Variants in FAM13B observed in about 807,000 individuals in gnomAD.
FAM13B encodes family with sequence similarity 13 member B, also known as protein FAM13B.
FAM13B carries 60 observed loss-of-function variants against 117.3 expected under a neutral mutation model. That is an observed-to-expected ratio of 0.51 (90% CI 0.42 to 0.63). The LOEUF is 0.63. FAM13B is among the 30% of genes least tolerant of loss of function. The pLI is 0.00. For synonymous variants in FAM13B, 332 were observed against 356.1 expected (o/e 0.93, Z 0.76); for missense variants, 972 against 1,091.9 (o/e 0.89, Z 1.55).
intron 20 of FAM13B, 39 bp downstream of exon 20, chr5:137,945,863 G>T: frequency 6.8e-7 from 1 of 1,473,384 alleles, no homozygotes; most frequent in Non-Finnish European, 9.4e-7. Flanking sequence ...AGTACATCTT[G>T]ATAAAATGAA....
intron 6 of FAM13B, among the ~76,000 whole-genome samples, chr5:138,010,702 T>C (rs1482433529): frequency 6.6e-6 from 1 of 152,048 alleles, no homozygotes; most frequent in Non-Finnish European, 1.5e-5. Context: ...GCTAGCAGTT[T>C]CTCTGCAAAA....
intron 6 of FAM13B, among the ~76,000 whole-genome samples, chr5:138,007,937 A>C (rs1431607350): frequency 6.6e-6 from 1 of 152,260 alleles, no homozygotes; most frequent in Non-Finnish European, 1.5e-5. Flanking sequence ...CAATGCAAGT[A>C]TGCTTTTTCT....
At chr5:137,993,083 A>G (rs931258150) in intron 7 of FAM13B, among the ~76,000 whole-genome samples, 1 of 152,248 alleles carries the variant, frequency 6.6e-6, no homozygotes, top group Non-Finnish European at 1.5e-5. Flanking sequence ...CGTTCAGTGA[A>G]AGAAACCAGA....
At chr5:137,946,131 T>C in intron 19 of FAM13B, 97 bp downstream of exon 19, 14 of 1,278,010 alleles carry the variant, frequency 1.1e-5, no homozygotes, top group Non-Finnish European at 1.6e-5. Context: ...TAGGAAATAA[T>C]GCTCAAAAAA....
At chr5:137,966,629 T>C (rs917155548) in intron 10 of FAM13B, among the ~76,000 whole-genome samples, 5 of 151,108 alleles carry the variant, frequency 3.3e-5, no homozygotes, top group Non-Finnish European at 4.4e-5. Context: ...GATATACACA[T>C]AGCATATGAA....
At chr5:138,040,582 CAA>C (rs1439867683) in intron 1 of FAM13B, among the ~76,000 whole-genome samples, 1 of 150,888 alleles carries the variant, frequency 6.6e-6, no homozygotes, top group Non-Finnish European at 1.5e-5. Context: ...ACAAAACAAA[CAA>C]AAAAGAAGGA....
intron 13 of FAM13B, among the ~76,000 whole-genome samples, chr5:137,959,183 A>G (rs1767420008): frequency 6.6e-6 from 1 of 152,208 alleles, no homozygotes; most frequent in South Asian, 2.1e-4. Flanking sequence ...TTTGTTTAGA[A>G]GTACCCTTGA....
chr5:138,024,328 A>T (rs1383658474), intron 1 of FAM13B, among the ~76,000 whole-genome samples: 1 of 152,112 alleles, frequency 6.6e-6, no homozygotes, highest in Non-Finnish European at 1.5e-5. Context: ...GAGAAAGAAG[A>T]GCATGTGAAG....
At chr5:138,031,806 A>G (rs973404939) in intron 1 of FAM13B, among the ~76,000 whole-genome samples, 9 of 152,340 alleles carry the variant, frequency 5.9e-5, no homozygotes, top group African/African-American at 1.9e-4. Flanking sequence ...CAGGCCAACA[A>G]GCATTTCAAG....
At chr5:138,012,057 A>C (rs1159834799) in intron 4 of FAM13B, 112 bp from the exon 5 acceptor site, 1 of 681,158 alleles carries the variant, frequency 1.5e-6, no homozygotes, top group African/African-American at 1.9e-5. Flanking sequence ...AACAATTCAA[A>C]ACCTCTTCAC....
At chr5:138,001,158 G>C (rs1050807203) in intron 7 of FAM13B, among the ~76,000 whole-genome samples, 2 of 152,068 alleles carry the variant, frequency 1.3e-5, no homozygotes, top group Non-Finnish European at 2.9e-5. Flanking sequence ...CATCCCCCAA[G>C]TGTTTATTTC....
At position 137,975,980 on chromosome 5, in the gene FAM13B, C is replaced by CTTTTTTTTTTTTTTTTTT. The variant is rs57478594; in HGVS notation, c.1179+9276_1179+9277insAAAAAAAAAAAAAAAAAA. On this transcript the variant is annotated intron_variant, in intron 10 of 23. Coordinates refer to ENST00000689681, the MANE Select transcript of FAM13B (RefSeq NM_001385994.1). ...CCACAACCAGACTGCTCAACTCTTC[C>CTTTTTTTTTTTTTTTTTT]TTTTTTTTTTTTTTTGAGACAGTCT... Among the ~76,000 whole-genome samples, 172 of 110,162 alleles carry CTTTTTTTTTTTTTTTTTT rather than the reference C, an allele frequency of 1.6e-3. 18 individuals are homozygous for CTTTTTTTTTTTTTTTTTT. The highest frequency in any genetic ancestry group is 5.8e-3 in the African/African-American group (158 of 27,052). The allele number at this position is 110,162 out of a possible 152,430, so 72.3% of individuals were successfully genotyped here. A position where few individuals can be genotyped will look rare whatever the true frequency, so the allele number is the denominator to read the frequency against.
intron 3 of FAM13B, 119 bp from the exon 4 acceptor site, chr5:138,018,633 T>G: frequency 1.1e-6 from 1 of 885,930 alleles, no homozygotes; most frequent in Non-Finnish European, 1.7e-6. Flanking sequence ...TTGGCTCCCC[T>G]GACTTGTCTA....
chr5:138,009,608 G>A (rs112278673), intron 6 of FAM13B, among the ~76,000 whole-genome samples: 6 of 152,078 alleles, frequency 3.9e-5, no homozygotes, highest in African/African-American at 1.4e-4. Context: ...AGTTCGAGAC[G>A]AGTCTGGCCA....
chr5:138,023,420 T>C (rs1339484593), intron 1 of FAM13B, among the ~76,000 whole-genome samples: 1 of 152,128 alleles, frequency 6.6e-6, no homozygotes, highest in Non-Finnish European at 1.5e-5. Flanking sequence ...GCTCACCAAT[T>C]TACCCACAGT....
chr5:138,023,844 T>C (rs1787459968), intron 1 of FAM13B, among the ~76,000 whole-genome samples: 1 of 152,172 alleles, frequency 6.6e-6, no homozygotes. Flanking sequence ...ACAGGCATGA[T>C]CCACCATGCC....
At chr5:138,004,613 A>C (rs1350492662) in intron 7 of FAM13B, among the ~76,000 whole-genome samples, 3 of 152,216 alleles carry the variant, frequency 2.0e-5, no homozygotes, top group Non-Finnish European at 4.4e-5. Context: ...AGTTCGTTTA[A>C]GTTTACATTT....
chr5:137,967,611 G>A (rs113798808), intron 10 of FAM13B, among the ~76,000 whole-genome samples: 158 of 152,164 alleles, frequency 1.0e-3, no homozygotes, highest in African/African-American at 3.5e-3. Flanking sequence ...GAAAAGACGA[G>A]ACCCATCATG....
intron 10 of FAM13B, among the ~76,000 whole-genome samples, chr5:137,978,227 C>T (rs984435868): frequency 5.3e-5 from 8 of 150,570 alleles, no homozygotes; most frequent in Non-Finnish European, 1.0e-4. Flanking sequence ...TTTTTTTTTC[C>T]GATGAAGAAA....
Sources: gnomAD v4.1 joint callset for allele counts (sites outside exome capture counted in the v4.1 genomes callset) on GRCh38, gnomAD v4.1.1 for gene constraint, MANE v1.5 for transcripts, NCBI Gene and HGNC (gene_info 2026-07-23, HGNC 2026-07-21) for gene names.